Variants in FANCC observed in about 807,000 individuals in gnomAD.
The protein encoded by FANCC is Fanconi anemia group C protein.
Under a neutral mutation model 71.3 loss-of-function variants are expected in FANCC, and 55 were observed. The observed-to-expected ratio is 0.77, with a 90% CI of 0.62 to 0.97. The LOEUF (loss-of-function observed/expected upper bound fraction) is 0.97. Ranked by LOEUF, FANCC falls within the 50% of genes least tolerant of loss-of-function variation. The probability of loss-of-function intolerance (pLI) is 0.00; values close to 1 mark genes in which losing one functional copy is unlikely to be tolerated. For synonymous variants in FANCC, 275 were observed against 244.9 expected (o/e 1.12, Z -1.15); for missense variants, 678 against 670.9 (o/e 1.01, Z -0.12).
intron 6 of FANCC, among the ~76,000 whole-genome samples, chr9:95,163,892 C>T (rs1168321868): frequency 6.6e-6 from 1 of 152,114 alleles, no homozygotes; most frequent in Non-Finnish European, 1.5e-5. Context: ...AAAAACCATA[C>T]CCATCTATGA....
At chr9:95,191,744 G>A (rs540137442) in intron 4 of FANCC, among the ~76,000 whole-genome samples, 3 of 151,668 alleles carry the variant, frequency 2.0e-5, no homozygotes, top group East Asian at 1.9e-4. Context: ...TGTTACCTTC[G>A]ACTCATCCTT....
intron 1 of FANCC, among the ~76,000 whole-genome samples, chr9:95,256,740 T>C (rs1831680033): frequency 6.6e-6 from 1 of 151,816 alleles, no homozygotes; most frequent in African/African-American, 2.4e-5. Context: ...GACACAAACT[T>C]GCAAATTCAA....
At chr9:95,126,978 G>A (rs941979864) in intron 8 of FANCC, 3 of 258,298 alleles carry the variant, frequency 1.2e-5, no homozygotes, top group Non-Finnish European at 2.3e-5. Flanking sequence ...GATGTGCCTC[G>A]AGGTCAGGCC....
At chr9:95,104,849 C>A (rs1347084416) in intron 14 of FANCC, among the ~76,000 whole-genome samples, 1 of 152,198 alleles carries the variant, frequency 6.6e-6, no homozygotes, top group African/African-American at 2.4e-5. Context: ...GGCTGACCAT[C>A]TCCCCACTGC....
intron 12 of FANCC, chr9:95,113,830 G>C (rs535428639): frequency 6.6e-6 from 1 of 152,208 alleles, no homozygotes; most frequent in Non-Finnish European, 1.5e-5. Flanking sequence ...CACCGTGTTA[G>C]CCAGGATGGT....
In FANCC at chr9:95,125,363, T is replaced by C. The variant is rs1003731634; in HGVS notation, c.897-178A>G. On this transcript the variant is annotated intron_variant, in intron 9 of 14. Coordinates refer to ENST00000289081, the MANE Select transcript of FANCC (RefSeq NM_000136.3). ...ACAGGATAAATTTGTCGCTCCCTGT[T>C]ATATTTTCTTTAAAATTGCAACGTG... Among the ~76,000 whole-genome samples, 7 of 152,246 alleles carry C rather than the reference T, an allele frequency of 4.6e-5. 1 individual carries two copies. The highest frequency in any genetic ancestry group is 1.7e-4 in the African/African-American group (7 of 41,474).
intron 14 of FANCC, among the ~76,000 whole-genome samples, chr9:95,105,889 G>A (rs982986134): frequency 3.3e-5 from 5 of 152,142 alleles, no homozygotes. Flanking sequence ...AGGCGTTTAG[G>A]CCATCTCTGC....
chr9:95,291,482 A>G (rs1371818441), intron 1 of FANCC, among the ~76,000 whole-genome samples: 1 of 152,166 alleles, frequency 6.6e-6, no homozygotes, highest in Non-Finnish European at 1.5e-5. Context: ...CATTTACAAT[A>G]CCTGCCAAAA....
Position 95,107,241 on chromosome 9 carries a change from A to T in FANCC, c.1358T>A (p.Leu453His), listed in dbSNP as rs1490551416. Residue 453 changes from leucine to histidine, a missense_variant, in exon 14 of 15, where the codon CTC (leucine) becomes CAC (histidine). By Grantham distance (99) the Leu-to-His change is moderately conservative (BLOSUM62 -3). Transcript: ENST00000289081. ...GCTGCTGCTTCTGGACATTGCCAGG[A>T]GGTGGCCCAGCACGGCCTTCACCTG... ...MVQVKAVLGH[L>H]LAMSRSSSLS... 2.5e-6 allele frequency: 4 copies of T among 1,614,078 alleles called. No individual in the cohort carries two copies. Among genetic ancestry groups the T allele is most frequent in the Non-Finnish European group, 3.4e-6 (4 of 1,180,022 alleles).
At chr9:95,104,047 C>T (rs938472889) in intron 14 of FANCC, among the ~76,000 whole-genome samples, 6 of 152,114 alleles carry the variant, frequency 3.9e-5, no homozygotes, top group East Asian at 3.9e-4. Context: ...AGGGAAAGGC[C>T]GTCCCACCAA....
intron 14 of FANCC, among the ~76,000 whole-genome samples, chr9:95,104,015 G>C (rs1244798178): frequency 2.0e-5 from 3 of 152,174 alleles, no homozygotes; most frequent in African/African-American, 7.2e-5. Flanking sequence ...GGTCCTGAGG[G>C]TGGAGAGACC....
chr9:95,283,110 T>G (rs1010904839), intron 1 of FANCC, among the ~76,000 whole-genome samples: 1 of 152,206 alleles, frequency 6.6e-6, no homozygotes, highest in African/African-American at 2.4e-5. Flanking sequence ...AACAGATGGC[T>G]CTTCCTCTGT....
At position 95,172,661 on chromosome 9, in the gene FANCC, T is replaced by C. The variant is rs563021699; in HGVS notation, c.346-514A>G. On this transcript the variant is annotated intron_variant, in intron 4 of 14. Transcript: ENST00000289081. ...CACAAATCAGTAGGGAAAGGACAGA[T>C]TATGTAATAAATGGTGCCTCAAAAA... 2.0e-5 allele frequency among the ~76,000 whole-genome samples: 3 copies of C among 152,172 alleles called. No homozygotes were observed. In the East Asian group the frequency reaches 5.8e-4, roughly 29 times the overall value.
chr9:95,194,261 A>C (rs1428226871), intron 4 of FANCC, among the ~76,000 whole-genome samples: 1 of 152,040 alleles, frequency 6.6e-6, no homozygotes, highest in African/African-American at 2.4e-5. Flanking sequence ...CTGGTGACAA[A>C]TTCTCCTACT....
At chr9:95,214,632 C>A (rs2135896793) in intron 4 of FANCC, among the ~76,000 whole-genome samples, 1 of 152,242 alleles carries the variant, frequency 6.6e-6, no homozygotes, top group Admixed American at 6.5e-5. Context: ...AATGGATAAG[C>A]AAAATGCAGT....
chr9:95,292,966 G>T, intron 1 of FANCC: 2 of 1,578,566 alleles, frequency 1.3e-6, no homozygotes. Context: ...CACATCTACC[G>T]AACTGGCCAC....
chr9:95,126,625 C>T, intron 8 of FANCC, 44 bp from the exon 9 acceptor site: 4 of 1,599,264 alleles, frequency 2.5e-6, no homozygotes, highest in South Asian at 1.1e-5. Flanking sequence ...ATCACAAGCA[C>T]TTTCTCAGAA....
chr9:95,158,531 T>A (rs571897118), intron 6 of FANCC, among the ~76,000 whole-genome samples: 2 of 151,158 alleles, frequency 1.3e-5, no homozygotes, highest in South Asian at 4.2e-4. Context: ...TGGCAAAAAA[T>A]TATCTTTATG....
At chr9:95,159,279 G>T (rs1830614458) in intron 6 of FANCC, among the ~76,000 whole-genome samples, 1 of 152,158 alleles carries the variant, frequency 6.6e-6, no homozygotes, top group African/African-American at 2.4e-5. Context: ...GAGAACATGT[G>T]GTGTTTGGTT....
Sources: allele counts gnomAD v4.1 joint callset (sites outside exome capture counted in the v4.1 genomes callset), GRCh38; gene constraint gnomAD v4.1.1; transcripts MANE v1.5; gene names NCBI Gene and HGNC (gene_info 2026-07-23, HGNC 2026-07-21).